The following SYT16 variants were observed in gnomAD, a reference collection of about 807,000 sequenced individuals.
SYT16 encodes the protein synaptotagmin-16.
SYT16 carries 42 observed loss-of-function variants against 61.4 expected under a neutral mutation model. The observed-to-expected ratio is 0.68, with a 90% CI of 0.53 to 0.89. The LOEUF (loss-of-function observed/expected upper bound fraction) is 0.89, where lower values mean the gene tolerates loss of function less well. SYT16 is among the 40% of genes least tolerant of loss of function. The pLI is 0.00. For synonymous variants in SYT16, 314 were observed against 302.3 expected, an observed-to-expected ratio of 1.04 and a Z score of -0.40; for missense variants, 804 against 807.3, an observed-to-expected ratio of 1.00 and a Z score of 0.05.
chr14:61,845,970 T>C (rs943257423), intron 1 of SYT16, among the ~76,000 whole-genome samples: 2 of 152,234 alleles, frequency 1.3e-5, no homozygotes, highest in Admixed American at 1.3e-4. Flanking sequence ...TTAATTTCCA[T>C]GTATTTGTAT....
At chr14:62,005,992 G>A (rs2053206511) in intron 3 of SYT16, among the ~76,000 whole-genome samples, 1 of 152,130 alleles carries the variant, frequency 6.6e-6, no homozygotes, top group Non-Finnish European at 1.5e-5. Context: ...TGCCTAAGTT[G>A]CCTCTAGGGA....
intron 1 of SYT16, chr14:61,832,513 T>G: frequency 3.5e-6 from 1 of 284,678 alleles, no homozygotes. Context: ...CTCAGCTCAC[T>G]GCAACCTCCG....
chr14:61,969,674 T>A (rs886897715), intron 1 of SYT16, among the ~76,000 whole-genome samples: 1 of 152,220 alleles, frequency 6.6e-6, no homozygotes, highest in Non-Finnish European at 1.5e-5. Context: ...TCGCTAATAT[T>A]GGTAGAATTA....
Position 61,996,069 on chromosome 14 carries a change from T to C in SYT16, c.50T>C (p.Phe17Ser), listed in dbSNP as rs1372227391. 1.9e-6 allele frequency: 3 copies of C among 1,610,652 alleles called. No individual in the cohort carries two copies. The African/African-American group carries it at 4.0e-5, about 22-fold the overall frequency. The change falls in exon 3 of 8, where the codon TTC becomes TCC. Residue 17 changes from phenylalanine (F) to serine (S), a missense_variant. Transcript: ENST00000683842. Reference protein sequence around the residue: ...SQDVQNFFQPFSSWISRVYEA... With the variant: ...SQDVQNFFQPSSSWISRVYEA... The stretch of plus-strand genomic sequence containing the variant: ...GATGTTCAGAACTTCTTCCAGCCTT[T>C]CTCTTCCTGGATATCTCGGGTTTAT...
intron 1 of SYT16, among the ~76,000 whole-genome samples, chr14:61,815,687 G>T (rs2045407098): frequency 6.6e-6 from 1 of 152,132 alleles, no homozygotes; most frequent in East Asian, 1.9e-4. Flanking sequence ...GCTTCAACTA[G>T]GTTTTCAGTA....
chr14:62,037,167 TTGAAA>T (rs1387105222), intron 3 of SYT16, among the ~76,000 whole-genome samples: 2 of 149,084 alleles, frequency 1.3e-5, no homozygotes, highest in Admixed American at 6.7e-5. Context: ...TGGTCCCCAC[TTGAAA>T]TGAATTTCAG....
intron 7 of SYT16, among the ~76,000 whole-genome samples, chr14:62,092,097 C>T (rs1237511946): frequency 6.6e-6 from 1 of 151,170 alleles, no homozygotes; most frequent in East Asian, 2.0e-4. Flanking sequence ...AAAAAATGCT[C>T]AAAATCAATC....
At position 61,936,083 on chromosome 14, in the gene SYT16, ATAT is replaced by A. The variant is rs575187155; in HGVS notation, c.-324-34042_-324-34040del. Among the ~76,000 whole-genome samples the A allele has an allele frequency of 5.0e-3, 763 of 152,108 alleles. 4 individuals are homozygous for A. Among genetic ancestry groups the A allele is most frequent in the Middle Eastern group, 6.8e-3 (2 of 294 alleles). On this transcript the variant is annotated intron_variant, in intron 1 of 7. Transcript: ENST00000683842. Reference sequence around the variant, plus strand: ...CCTCTGAGATTTGAGATAAGTTTACATATTATTATATGAATCACAATTTGCTTT... The same window carrying A: ...CCTCTGAGATTTGAGATAAGTTTACATATTATATGAATCACAATTTGCTTT...
At chr14:61,879,665 C>A (rs1165981603) in intron 1 of SYT16, among the ~76,000 whole-genome samples, 5 of 152,206 alleles carry the variant, frequency 3.3e-5, no homozygotes, top group Admixed American at 3.3e-4. Flanking sequence ...GACCTCTAAT[C>A]CATGGCCTAC....
rs1312915553 is a variant in SYT16, at chr14:62,112,418, G to A, written c.*11711G>A. Reference sequence around the variant, plus strand: ...TGTTTAAAACAGAAACATAGAAGAAGCATTAGCCCCAGTTTGTATAAAATG... The same window carrying A: ...TGTTTAAAACAGAAACATAGAAGAAACATTAGCCCCAGTTTGTATAAAATG... On this transcript the variant is annotated 3_prime_UTR_variant, in exon 8 of 8. Transcript: ENST00000683842. 1.3e-5 allele frequency: 2 copies of A among 152,080 alleles called. No homozygotes were observed. Among genetic ancestry groups the A allele is most frequent in the Non-Finnish European group, 2.9e-5 (2 of 67,984 alleles). The allele number at this position is 152,080 out of a possible 1,614,324, so 9.4% of individuals were successfully genotyped here.
At position 61,933,574 on chromosome 14, in the gene SYT16, T is replaced by C. The variant is rs184172210; in HGVS notation, c.-324-36558T>C. ...CAAAACAAAACTGTCCTTTTCAGAG[T>C]TGAGCTGTTCTGGTCACCATTTACC... On this transcript the variant is annotated intron_variant, in intron 1 of 7. Transcript: ENST00000683842. Among the ~76,000 whole-genome samples the C allele has an allele frequency of 2.0e-4, 30 of 152,224 alleles. 1 individual carries two copies. The highest frequency in any genetic ancestry group is 1.8e-3 in the Admixed American group (27 of 15,284).
chr14:61,889,440 T>C (rs2140333831), intron 1 of SYT16, among the ~76,000 whole-genome samples: 1 of 152,282 alleles, frequency 6.6e-6, no homozygotes, highest in African/African-American at 2.4e-5. Flanking sequence ...GGGGCTGTAA[T>C]GGGAGACGTT....
In SYT16 at chr14:62,100,385, T is replaced by C. The variant is rs565094426; in HGVS notation, c.1625-9T>C. 3.7e-5 allele frequency: 58 copies of C among 1,564,620 alleles called. No homozygotes were observed. The highest frequency in any genetic ancestry group is 4.6e-5 in the Non-Finnish European group (53 of 1,155,870). On this transcript the variant is annotated splice_polypyrimidine_tract_variant and intron_variant, in intron 7 of 7. Coordinates refer to ENST00000683842, the MANE Select transcript of SYT16 (RefSeq NM_001367656.1). ...TCATCCCCACCCCACCCTTTTTTTTTTGTCTTAGATACATATGGAAAACTC... is the reference window on the plus strand; with the variant it reads ...TCATCCCCACCCCACCCTTTTTTTTCTGTCTTAGATACATATGGAAAACTC...
At chr14:62,066,849 T>C (rs1243893054) in intron 3 of SYT16, among the ~76,000 whole-genome samples, 1 of 152,076 alleles carries the variant, frequency 6.6e-6, no homozygotes, top group Non-Finnish European at 1.5e-5. Context: ...ATATGCAGAT[T>C]AGGTGGGGTA....
chr14:62,020,552 A>G (rs1335317334), intron 3 of SYT16, among the ~76,000 whole-genome samples: 2 of 152,180 alleles, frequency 1.3e-5, no homozygotes, highest in East Asian at 1.9e-4. Context: ...GAGGAGGGGG[A>G]CAAAAGGTAA....
At position 61,858,134 on chromosome 14, in the gene SYT16, A is replaced by G. The variant is rs1007736686; in HGVS notation, c.-325+45324A>G. Among the ~76,000 whole-genome samples, 107 of 149,622 alleles carry G rather than the reference A, an allele frequency of 7.2e-4. 4 individuals carry two copies. In the South Asian group the frequency reaches 0.022, roughly 30 times the overall value. ...GCACAGCTTGGCAAAAAAAAAAAAA[A>G]AAAAAAAAAGAAAGAAAAAAAGAAA... is the stretch of plus-strand genomic sequence containing the variant. On this transcript the variant is annotated intron_variant, in intron 1 of 7. Coordinates refer to ENST00000683842, the MANE Select transcript of SYT16 (RefSeq NM_001367656.1).
At chr14:61,888,472 A>G (rs1368341778) in intron 1 of SYT16, among the ~76,000 whole-genome samples, 2 of 152,188 alleles carry the variant, frequency 1.3e-5, no homozygotes, top group Non-Finnish European at 2.9e-5. Context: ...AGTCCAAGAA[A>G]AGGGAGAGAT....
At position 61,819,981 on chromosome 14, in the gene SYT16, C is replaced by T. The variant is rs540737946; in HGVS notation, c.-325+7171C>T. ...AGATCCTTCCAATGGCGTGTACCTC[C>T]CCATAGGGTGTACCTCATATTATGA... On this transcript the variant is annotated intron_variant, in intron 1 of 7. Transcript: ENST00000683842. Among the ~76,000 whole-genome samples, 3 of 152,278 alleles carry T rather than the reference C, an allele frequency of 2.0e-5. 1 individual carries two copies. The South Asian group carries it at 6.2e-4, about 32-fold the overall frequency.
In SYT16 at chr14:61,828,520, T is replaced by A. The variant is rs1202923801; in HGVS notation, c.-325+15710T>A. On this transcript the variant is annotated intron_variant, in intron 1 of 7. Transcript: ENST00000683842. ...AATGTCTTGATTTCCCTTTTGATCT[T>A]GAAGGACATTTTCACTGATATAGAA... Among the ~76,000 whole-genome samples the A allele has an allele frequency of 2.0e-5, 3 of 152,224 alleles. No individual in the cohort carries two copies. The East Asian group carries it at 5.8e-4, about 29-fold the overall frequency.
Sources: gnomAD v4.1 joint callset for allele counts (sites outside exome capture counted in the v4.1 genomes callset) on GRCh38, gnomAD v4.1.1 for gene constraint, MANE v1.5 for transcripts, NCBI Gene and HGNC (gene_info 2026-07-23, HGNC 2026-07-21) for gene names.